Variants in CFAP61 observed in about 807,000 individuals in gnomAD.
The protein encoded by CFAP61 is cilia and flagella associated protein 61, also known as cilia- and flagella-associated protein 61.
CFAP61 carries 107 observed loss-of-function variants against 135.6 expected under a neutral mutation model. That is an observed-to-expected ratio of 0.79 (90% CI 0.67 to 0.93). The LOEUF (loss-of-function observed/expected upper bound fraction) is 0.93, where lower values mean the gene tolerates loss of function less well. Among genes scored for constraint, CFAP61 ranks in the 40% least tolerant of loss-of-function variants. CFAP61 has a pLI of 0.00. For synonymous variants in CFAP61, 575 were observed against 578.5 expected, an observed-to-expected ratio of 0.99 and a Z score of 0.09; for missense variants, 1,507 against 1,556.2, an observed-to-expected ratio of 0.97 and a Z score of 0.53.
At chr20:20,191,314 G>A in intron 14 of CFAP61, 28 bp from the exon 15 acceptor site, 1 of 1,584,268 alleles carries the variant, frequency 6.3e-7, no homozygotes, top group Non-Finnish European at 8.7e-7. Context: ...ATTTTTAAGG[G>A]TCTTAAAATA....
At chr20:20,095,242 C>A (rs1213583204) in intron 7 of CFAP61, among the ~76,000 whole-genome samples, 2 of 152,116 alleles carry the variant, frequency 1.3e-5, no homozygotes, top group Non-Finnish European at 2.9e-5. Flanking sequence ...TTGACATTGA[C>A]CATGATGACA....
chr20:20,255,509 G>A (rs1009915421), intron 20 of CFAP61, among the ~76,000 whole-genome samples: 8 of 152,140 alleles, frequency 5.3e-5, no homozygotes, highest in Non-Finnish European at 8.8e-5. Flanking sequence ...GGTCGGCAAT[G>A]TTACATTGTC....
intron 11 of CFAP61, among the ~76,000 whole-genome samples, chr20:20,165,795 C>T (rs932986138): frequency 2.0e-5 from 3 of 152,150 alleles, no homozygotes; most frequent in Non-Finnish European, 2.9e-5. Context: ...TAACTTTTTT[C>T]ATCTCGAGTT....
At chr20:20,099,864 A>G (rs892145903) in intron 8 of CFAP61, among the ~76,000 whole-genome samples, 1 of 152,206 alleles carries the variant, frequency 6.6e-6, no homozygotes, top group East Asian at 1.9e-4. Context: ...GGCTAAGCTT[A>G]TCCCCTGAAT....
At chr20:20,143,349 A>C (rs1218702737) in intron 9 of CFAP61, among the ~76,000 whole-genome samples, 1 of 152,152 alleles carries the variant, frequency 6.6e-6, no homozygotes, top group Admixed American at 6.5e-5. Context: ...CCCTGCAGAC[A>C]TGGAAACACT....
rs142777331 is a variant in CFAP61, at chr20:20,330,003, C to A, written c.3423-11828C>A. 4.7e-4 allele frequency among the ~76,000 whole-genome samples: 72 copies of A among 152,336 alleles called. 1 individual carries two copies. The highest frequency in any genetic ancestry group is 7.2e-4 in the Admixed American group (11 of 15,306). On this transcript the variant is annotated intron_variant, in intron 25 of 26. Coordinates refer to ENST00000245957, the MANE Select transcript of CFAP61 (RefSeq NM_015585.4). Reference sequence around the variant, plus strand: ...GATGCTGGGCCCACTGCACATTCATCCTTGCATTTGAAATGATGCTCACAG... The same window carrying A: ...GATGCTGGGCCCACTGCACATTCATACTTGCATTTGAAATGATGCTCACAG...
chr20:20,149,297 T>G (rs2052194978), intron 9 of CFAP61, among the ~76,000 whole-genome samples: 1 of 152,070 alleles, frequency 6.6e-6, no homozygotes, highest in South Asian at 2.1e-4. Context: ...TCATGAACAT[T>G]GATGAGGAAA....
chr20:20,145,816 T>G (rs950256475), intron 9 of CFAP61, among the ~76,000 whole-genome samples: 2 of 152,210 alleles, frequency 1.3e-5, no homozygotes, highest in South Asian at 4.1e-4. Context: ...TCTTAAATAC[T>G]TATGCACCCA....
chr20:20,186,426 G>T (rs2055503510), intron 13 of CFAP61, among the ~76,000 whole-genome samples: 1 of 152,108 alleles, frequency 6.6e-6, no homozygotes, highest in South Asian at 2.1e-4. Flanking sequence ...TTCATCAATT[G>T]ATGGGCATTT....
chr20:20,149,746 C>T (rs1486971295), intron 9 of CFAP61, among the ~76,000 whole-genome samples: 3 of 152,012 alleles, frequency 2.0e-5, no homozygotes, highest in Non-Finnish European at 4.4e-5. Flanking sequence ...ATCTCACAGA[C>T]ATCCTCGGGG....
intron 25 of CFAP61, among the ~76,000 whole-genome samples, chr20:20,313,168 A>ACT (rs1162057465): frequency 1.3e-5 from 2 of 151,928 alleles, no homozygotes; most frequent in South Asian, 2.1e-4. Flanking sequence ...GACAGATGTC[A>ACT]CTCTCTCTCT....
chr20:20,053,030 A>C lies in CFAP61; in HGVS notation c.-37+439A>C, dbSNP rs570457562. Among the ~76,000 whole-genome samples, 6 of 152,270 alleles carry C rather than the reference A, an allele frequency of 3.9e-5. No homozygotes were observed. In the South Asian group the frequency reaches 1.2e-3, roughly 32 times the overall value. ...ATATAAATAGAGTAACTGGAAAACA[A>C]CTCAGTCTTGTGATAAGAAACATGT... is the stretch of plus-strand genomic sequence containing the variant. On this transcript the variant is annotated intron_variant, in intron 1 of 26. Coordinates refer to ENST00000245957, the MANE Select transcript of CFAP61 (RefSeq NM_015585.4).
Position 20,196,602 on chromosome 20 carries a change from T to A in CFAP61, c.1623T>A (p.Ile541=). ...DIEYIRSHYN[I]EDFIYFSHHQ... ...AGTACATACGGTCCCATTACAACAT[T>A]GAAGATTTCATCTACTTCAGTCACC... Residue 541 remains isoleucine, a synonymous_variant, in exon 16 of 27, where the codon ATT becomes ATA. Transcript: ENST00000245957. 6.2e-7 allele frequency: 1 copy of A among 1,614,110 alleles called. No homozygotes were observed. Among genetic ancestry groups the A allele is most frequent in the South Asian group, 1.1e-5 (1 of 91,072 alleles).
intron 26 of CFAP61, among the ~76,000 whole-genome samples, chr20:20,356,448 AGT>A (rs781519198): frequency 2.0e-5 from 3 of 151,584 alleles, no homozygotes; most frequent in Non-Finnish European, 3.0e-5. Flanking sequence ...AGGTGGTCAC[AGT>A]GTGAGGGGAG....
rs184935159 is a variant in CFAP61 at position 20,322,370 on chromosome 20, G to A, written c.3423-19461G>A. ...CATGAAGTCCCAACATGACTGTTGG[G>A]GGCCTACCCCCACAAAGAGAGAGGG... On this transcript the variant is annotated intron_variant, in intron 25 of 26. Coordinates refer to ENST00000245957, the MANE Select transcript of CFAP61 (RefSeq NM_015585.4). Among the ~76,000 whole-genome samples the A allele has an allele frequency of 3.3e-5, 5 of 152,230 alleles. No individual in the cohort carries two copies. In the East Asian group the frequency reaches 9.7e-4, roughly 29 times the overall value.
At chr20:20,067,524 C>T (rs941075916) in intron 2 of CFAP61, among the ~76,000 whole-genome samples, 16 of 151,104 alleles carry the variant, frequency 1.1e-4, no homozygotes, top group African/African-American at 2.2e-4. Context: ...CATCTGTAGT[C>T]GCAGCTACTC....
At chr20:20,227,448 G>A (rs2048818580) in intron 17 of CFAP61, among the ~76,000 whole-genome samples, 1 of 152,158 alleles carries the variant, frequency 6.6e-6, no homozygotes, top group Admixed American at 6.5e-5. Context: ...ATAGAACCAA[G>A]ATCTTTTGGC....
chr20:20,324,313 A>G (rs1341685379), intron 25 of CFAP61, among the ~76,000 whole-genome samples: 2 of 152,102 alleles, frequency 1.3e-5, no homozygotes, highest in African/African-American at 4.8e-5. Flanking sequence ...TCTGGCCAAC[A>G]CTGACCGCAG....
At chr20:20,244,086 AG>A (rs2050237570) in intron 18 of CFAP61, among the ~76,000 whole-genome samples, 1 of 152,152 alleles carries the variant, frequency 6.6e-6, no homozygotes, top group Non-Finnish European at 1.5e-5. Flanking sequence ...GTGGCTTTGC[AG>A]GGTACAGCCT....
Sources: gnomAD v4.1 joint callset for allele counts (sites outside exome capture counted in the v4.1 genomes callset) on GRCh38, gnomAD v4.1.1 for gene constraint, MANE v1.5 for transcripts, NCBI Gene and HGNC (gene_info 2026-07-23, HGNC 2026-07-21) for gene names.